AHNAK: variants seen among roughly 807,000 people sequenced by gnomAD.
AHNAK encodes neuroblast differentiation-associated protein AHNAK.
A neutral mutation model predicts 37.8 loss-of-function variants in AHNAK; 23 were observed. The observed-to-expected ratio is 0.61, with a 90% CI of 0.44 to 0.86. AHNAK has a LOEUF of 0.86. AHNAK is among the 40% of genes least tolerant of loss of function. The pLI is 0.00. For synonymous variants in AHNAK, 2,481 were observed against 2,636.3 expected (o/e 0.94, Z 1.80); for missense variants, 7,411 against 7,319.4 (o/e 1.01, Z -0.46).
chr11:62,529,456 G>A lies in AHNAK; in HGVS notation c.4961C>T (p.Ser1654Phe). The change falls in exon 5 of 5, where the codon TCC becomes TTC. Residue 1654 changes from serine to phenylalanine, a missense_variant. Physicochemically the swap from Ser to Phe is radical, Grantham distance 155. Coordinates refer to ENST00000378024, the MANE Select transcript of AHNAK (RefSeq NM_001620.3). ...PEMHFKAPKI[S>F]MPDVDLHLKG... ...CAAGTGTAAGTCCACATCGGGCATG[G>A]AGATCTTGGGGGCCTTGAAATGCAT... The A allele has an allele frequency of 6.2e-7, 1 of 1,614,000 alleles. No individual in the cohort carries two copies. Among genetic ancestry groups the A allele is most frequent in the Non-Finnish European group, 8.5e-7 (1 of 1,180,026 alleles).
Position 62,524,609 on chromosome 11 carries a change from G to A in AHNAK, c.9808C>T (p.His3270Tyr). ...CCTTTTAATTTGGCATCTGGGCCAT[G>A]AATGTCAATATCTGGAGCATCTACA... ...IDVDAPDIDI[H>Y]GPDAKLKGPK... Residue 3270 changes from histidine to tyrosine, a missense_variant, in exon 5 of 5, where the codon CAT becomes TAT. Transcript: ENST00000378024. 2 of 1,614,088 alleles carry A rather than the reference G, an allele frequency of 1.2e-6. No individual in the cohort carries two copies. The highest frequency in any genetic ancestry group is 1.7e-6 in the Non-Finnish European group (2 of 1,180,006).
At chr11:62,476,894 A>G (rs1219417674) in intron 5 of AHNAK, among the ~76,000 whole-genome samples, 4 of 152,178 alleles carry the variant, frequency 2.6e-5, no homozygotes, top group African/African-American at 7.2e-5. Flanking sequence ...AAACCATTAC[A>G]TTTAAGATAT....
At chr11:62,486,900 A>G (rs1451175388) in intron 5 of AHNAK, among the ~76,000 whole-genome samples, 2 of 152,154 alleles carry the variant, frequency 1.3e-5, no homozygotes, top group Admixed American at 6.6e-5. Flanking sequence ...GAGTACAGGA[A>G]TATCTGCCCC....
Position 62,520,562 on chromosome 11 carries a change from C to A in AHNAK, c.13855G>T (p.Glu4619Ter). Residue 4619 changes from glutamate to a stop codon, truncating the protein, a stop_gained, in exon 5 of 5, where the codon GAA becomes TAA. Coordinates refer to ENST00000378024, the MANE Select transcript of AHNAK (RefSeq NM_001620.3). LOFTEE classifies it low-confidence loss of function (END_TRUNC). Reference sequence around the variant, plus strand: ...ACTTCGGGGCCCTTGAGGTCGCCTTCCACTTTGGGCAGAGAAATGTCCATG... The same window carrying A: ...ACTTCGGGGCCCTTGAGGTCGCCTTACACTTTGGGCAGAGAAATGTCCATG... ...GDMDISLPKV[E>*]GDLKGPEVDI... 1 of 1,614,200 alleles carries A rather than the reference C, an allele frequency of 6.2e-7. No individual in the cohort carries two copies. Among genetic ancestry groups the A allele is most frequent in the Non-Finnish European group, 8.5e-7 (1 of 1,180,048 alleles).
chr11:62,491,313 T>C (rs887671075), intron 5 of AHNAK, among the ~76,000 whole-genome samples: 7 of 152,024 alleles, frequency 4.6e-5, no homozygotes, highest in Non-Finnish European at 8.8e-5. Context: ...CTTTAGAGGA[T>C]CAAAAAGACT....
At position 62,529,301 on chromosome 11, in the gene AHNAK, G is replaced by A; in HGVS notation, c.5116C>T (p.Pro1706Ser). Residue 1706 changes from proline (P) to serine (S), a missense_variant, in exon 5 of 5, where the codon CCA becomes TCA. Physicochemically the swap from Pro to Ser is moderately conservative, Grantham distance 74 (BLOSUM62 -1). Transcript: ENST00000378024. ...IDAPDVEVHD[P>S]DWHLKMPKMK... ...TTGGGCATTTTCAGGTGCCAATCTG[G>A]GTCGTGAACCTCCACATCTGGGGCA... 1 of 1,614,068 alleles carries A rather than the reference G, an allele frequency of 6.2e-7. No homozygotes were observed. The highest frequency in any genetic ancestry group is 8.5e-7 in the Non-Finnish European group (1 of 1,180,018).
intron 5 of AHNAK, among the ~76,000 whole-genome samples, chr11:62,487,752 G>A (rs1939421555): frequency 6.6e-6 from 1 of 152,208 alleles, no homozygotes; most frequent in African/African-American, 2.4e-5. Flanking sequence ...GTGTTACCGT[G>A]AGAAAACCAT....
chr11:62,511,026 G>A (rs1939900501), downstream of AHNAK, among the ~76,000 whole-genome samples: 1 of 152,158 alleles, frequency 6.6e-6, no homozygotes, highest in Admixed American at 6.5e-5. Context: ...GCACTCTGAA[G>A]CAGGACATGT....
intron 4 of AHNAK, among the ~76,000 whole-genome samples, chr11:62,509,515 A>C (rs1022176851): frequency 1.2e-4 from 18 of 151,876 alleles, no homozygotes; most frequent in Non-Finnish European, 2.2e-4. Context: ...ACACCATTGC[A>C]CTCCAGCCTG....
chr11:62,515,907 G>GT lies in AHNAK; in HGVS notation c.*836dup. 1 of 1,149,872 alleles carries GT rather than the reference G, an allele frequency of 8.7e-7. No homozygotes were observed. Among genetic ancestry groups the GT allele is most frequent in the Non-Finnish European group, 1.1e-6 (1 of 920,952 alleles). 71.2% of individuals were successfully genotyped at this position (1,149,872 alleles called of 1,614,324 possible). Reference sequence around the variant, plus strand: ...GAATGCAAAGGCACAAGACATCAAGGTTAATAAACAGCTTTATTTGCCTTG... The same window carrying GT: ...GAATGCAAAGGCACAAGACATCAAGGTTTAATAAACAGCTTTATTTGCCTTG... On this transcript the variant is annotated 3_prime_UTR_variant, in exon 5 of 5. Transcript: ENST00000378024.
At chr11:62,464,178 C>A (rs950133945) in intron 5 of AHNAK, among the ~76,000 whole-genome samples, 1 of 151,798 alleles carries the variant, frequency 6.6e-6, no homozygotes, top group African/African-American at 2.4e-5. Context: ...CAGGAACGGG[C>A]CACCATACCC....
rs747060130 is a variant in AHNAK, at chr11:62,528,945, C to G, written c.5472G>C (p.Ala1824=). 1 of 1,614,006 alleles carries G rather than the reference C, an allele frequency of 6.2e-7. No homozygotes were observed. Among genetic ancestry groups the G allele is most frequent in the African/African-American group, 1.3e-5 (1 of 74,888 alleles). The change falls in exon 5 of 5, where the codon GCG becomes GCC. Residue 1824 remains alanine (A), a synonymous_variant. Transcript: ENST00000378024. The part of the protein sequence containing the change: ...QVDVKGPFVE[A]EVPDVDLECP... ...ACTCCAGATCAACATCGGGCACCTC[C>G]GCTTCCACAAAAGGACCTTTGACAT... is the stretch of plus-strand genomic sequence containing the variant.
At chr11:62,543,172 C>G (rs551501506) in intron 1 of AHNAK, among the ~76,000 whole-genome samples, 2 of 152,202 alleles carry the variant, frequency 1.3e-5, no homozygotes, top group Non-Finnish European at 2.9e-5. Context: ...GCCTGCACCC[C>G]CAAGGCTGTC....
intron 4 of AHNAK, among the ~76,000 whole-genome samples, chr11:62,498,975 CTG>C (rs554685975): frequency 6.6e-6 from 1 of 152,246 alleles, no homozygotes; most frequent in East Asian, 1.9e-4. Flanking sequence ...GTTCTAGACT[CTG>C]GGGATATATT....
Position 62,517,557 on chromosome 11 carries a change from T to C in AHNAK, c.16860A>G (p.Ser5620=), listed in dbSNP as rs767255176. ...TCACACCTCCTTCCACCTTTGGTCC[T>C]GAGAAATGAAGGCCCCCAGCAAACT... is the stretch of plus-strand genomic sequence containing the variant. ...TSKFAGGLHF[S]GPKVEGGVKG... is the part of the protein sequence containing the mutation. Residue 5620 remains serine (S), a synonymous_variant, in exon 5 of 5, where the codon TCA becomes TCG. Coordinates refer to ENST00000378024, the MANE Select transcript of AHNAK (RefSeq NM_001620.3). The C allele has an allele frequency of 6.2e-7, 1 of 1,614,120 alleles. No individual in the cohort carries two copies. Among genetic ancestry groups the C allele is most frequent in the Non-Finnish European group, 8.5e-7 (1 of 1,180,016 alleles).
intron 4 of AHNAK, 127 bp from the exon 5 acceptor site, chr11:62,534,201 T>C (rs1028354885): frequency 6.7e-6 from 6 of 889,464 alleles, no homozygotes; most frequent in African/African-American, 3.4e-5. Context: ...CAGAGGTCCA[T>C]GGAGCCTCCT....
At chr11:62,538,657 A>G (rs1941029628) in intron 1 of AHNAK, among the ~76,000 whole-genome samples, 1 of 152,200 alleles carries the variant, frequency 6.6e-6, no homozygotes, top group African/African-American at 2.4e-5. Context: ...CCCAGCACCT[A>G]ATTACACGCT....
intron 4 of AHNAK, among the ~76,000 whole-genome samples, chr11:62,503,491 G>A (rs1442459643): frequency 1.3e-5 from 2 of 151,696 alleles, no homozygotes; most frequent in Non-Finnish European, 2.9e-5. Flanking sequence ...GCTGAGGCAG[G>A]AGAATCACCT....
At chr11:62,534,872 G>C in intron 4 of AHNAK, 131 bp downstream of exon 4, 1 of 955,694 alleles carries the variant, frequency 1.0e-6, no homozygotes, top group Non-Finnish European at 1.5e-6. Context: ...TCAAGAGAGT[G>C]AAGACAGGTG....
Sources: gnomAD v4.1 joint callset for allele counts (sites outside exome capture counted in the v4.1 genomes callset) on GRCh38, gnomAD v4.1.1 for gene constraint, MANE v1.5 for transcripts, NCBI Gene and HGNC (gene_info 2026-07-23, HGNC 2026-07-21) for gene names.